The following CDON variants were observed in gnomAD, a reference collection of about 807,000 sequenced individuals.
CDON encodes cell adhesion molecule-related/down-regulated by oncogenes.
A neutral mutation model predicts 120.9 loss-of-function variants in CDON; 73 were observed. That is an observed-to-expected ratio of 0.60 (90% CI 0.50 to 0.73). CDON has a LOEUF of 0.73. Among genes scored for constraint, CDON ranks in the 30% least tolerant of loss-of-function variants. The probability of loss-of-function intolerance (pLI) is 0.00; values close to 1 mark genes in which losing one functional copy is unlikely to be tolerated. For missense variants in CDON, 1,470 were observed against 1,587.3 expected, an observed-to-expected ratio of 0.93 and a Z score of 1.26; for synonymous variants, 566 against 573.5, an observed-to-expected ratio of 0.99 and a Z score of 0.19.
intron 19 of CDON, 129 bp downstream of exon 19, chr11:125,961,595 C>A (rs1945645054): frequency 2.4e-6 from 3 of 1,274,864 alleles, no homozygotes; most frequent in South Asian, 1.4e-5. Context: ...CCCAGCACCC[C>A]ACCCAGTCTC....
chr11:126,039,241 C>T (rs550077361), intron 1 of CDON, among the ~76,000 whole-genome samples: 1 of 152,260 alleles, frequency 6.6e-6, no homozygotes, highest in South Asian at 2.1e-4. Context: ...GATAATTGTA[C>T]ATAGGTCATT....
chr11:125,979,023 A>T lies in CDON; in HGVS notation c.3277-640T>A, dbSNP rs114670360. Among the ~76,000 whole-genome samples the T allele has an allele frequency of 4.5e-3, 684 of 152,364 alleles. 8 individuals carry two copies. Among genetic ancestry groups the T allele is most frequent in the African/African-American group, 0.016 (658 of 41,594 alleles). ...TTAAGAAAAATGCCCAGATTAACAC[A>T]TACCTCATTGTAAAATGTTCACTTG... On this transcript the variant is annotated intron_variant, in intron 17 of 19. Coordinates refer to ENST00000531738, the MANE Select transcript of CDON (RefSeq NM_001378964.1).
At position 125,960,802 on chromosome 11, in the gene CDON, T is replaced by C. The variant is rs3737336; in HGVS notation, c.*140A>G. On this transcript the variant is annotated 3_prime_UTR_variant, in exon 20 of 20. Coordinates refer to ENST00000531738, the MANE Select transcript of CDON (RefSeq NM_001378964.1). ...AAAGGGCACACGTTTTAAGATACAT[T>C]CATATGACATTACTACTACAAAAAA... is the stretch of plus-strand genomic sequence containing the variant. The C allele has an allele frequency of 0.29, 231,129 of 790,096 alleles. 35,027 individuals are homozygous for C. Among genetic ancestry groups the C allele is most frequent in the South Asian group, 0.32 (20,843 of 66,000 alleles). The allele number at this position is 790,096 out of a possible 1,614,324, so 48.9% of individuals were successfully genotyped here.
chr11:126,063,047 C>T (rs935941751), upstream of CDON, among the ~76,000 whole-genome samples: 1 of 151,680 alleles, frequency 6.6e-6, no homozygotes, highest in Non-Finnish European at 1.5e-5. Flanking sequence ...GGAGTGTGCG[C>T]GCGCAGCCTG....
chr11:125,992,360 C>CTTTTTACTGGCATAAAGTATGCATACA (rs1946655170), intron 14 of CDON, among the ~76,000 whole-genome samples: 1 of 152,122 alleles, frequency 6.6e-6, no homozygotes, highest in Non-Finnish European at 1.5e-5. Flanking sequence ...TAAAAATAGG[C>CTTTTTACTGGCATAAAGTATGCATACA]TTTTTACTGG....
In CDON at chr11:126,010,347, TGA is replaced by T. The variant is rs1454628495; in HGVS notation, c.1544_1545del (p.Leu515HisfsTer6). The T allele has an allele frequency of 4.4e-6, 7 of 1,602,218 alleles. No homozygotes were observed. Among genetic ancestry groups the T allele is most frequent in the Non-Finnish European group, 5.1e-6 (6 of 1,172,498 alleles). On this transcript the variant is annotated frameshift_variant, in exon 8 of 20. Coordinates refer to ENST00000531738, the MANE Select transcript of CDON (RefSeq NM_001378964.1). LOFTEE classifies it high-confidence loss of function. ...AATAATAATGGCAACTCACCAACCA[TGA>T]GAGATGCTTCTGCCTGTGTGGTACC... ...EHGTTQAEASLMVVPFETNTK... is the reference protein window; with the variant it reads ...EHGTTQAEASXMVVPFETNTK...
intron 1 of CDON, among the ~76,000 whole-genome samples, chr11:126,033,383 T>C (rs1948001628): frequency 6.6e-6 from 1 of 151,932 alleles, no homozygotes; most frequent in East Asian, 1.9e-4. Flanking sequence ...CAGATGACAC[T>C]CTGGTGGGCA....
At position 126,023,427 on chromosome 11, in the gene CDON, G is replaced by A. The variant is rs767275943; in HGVS notation, c.50C>T (p.Thr17Ile). The part of the protein sequence containing the change: ...PLCTLLYVTL[T>I]ILCSSVSSDL... ...TGAACTCACAGAAGAGCACAGAATTGTAAGAGTAACATACAGCAGTGTACA... is the reference window on the plus strand; with the variant it reads ...TGAACTCACAGAAGAGCACAGAATTATAAGAGTAACATACAGCAGTGTACA... The change falls in exon 2 of 20, where the codon ACA (threonine) becomes ATA (isoleucine). Residue 17 changes from threonine (T) to isoleucine (I), a missense_variant. By Grantham distance (89) the Thr-to-Ile change is moderately conservative (BLOSUM62 -1). Transcript: ENST00000531738. 3.1e-6 allele frequency: 5 copies of A among 1,612,504 alleles called. No individual in the cohort carries two copies. Among genetic ancestry groups the A allele is most frequent in the South Asian group, 1.1e-5 (1 of 91,044 alleles).
chr11:126,061,777 A>C (rs911015482), intron 1 of CDON, among the ~76,000 whole-genome samples: 3 of 152,208 alleles, frequency 2.0e-5, no homozygotes, highest in Admixed American at 6.5e-5. Flanking sequence ...CTGGATTCCC[A>C]CTGGAAAGCA....
intron 12 of CDON, among the ~76,000 whole-genome samples, chr11:125,996,161 AACAC>A (rs35536827): frequency 0.067 from 9,705 of 145,898 alleles, 323 homozygotes; most frequent in African/African-American, 0.077. Flanking sequence ...GTCACAGCAA[AACAC>A]ACACACACAC....
intron 1 of CDON, among the ~76,000 whole-genome samples, chr11:126,024,119 T>C (rs547786722): frequency 7.2e-5 from 11 of 152,192 alleles, no homozygotes; most frequent in Non-Finnish European, 1.6e-4. Flanking sequence ...GGCACTATTG[T>C]GACAGTGGGA....
At chr11:126,008,768 G>A (rs775140786) in intron 8 of CDON, among the ~76,000 whole-genome samples, 1 of 152,080 alleles carries the variant, frequency 6.6e-6, no homozygotes, top group South Asian at 2.1e-4. Context: ...AAACACACAC[G>A]CACATTCATT....
rs1041892390 is a variant in CDON at position 125,970,171 on chromosome 11, T to C, written c.3356+8133A>G. Among the ~76,000 whole-genome samples the C allele has an allele frequency of 5.1e-4, 60 of 117,144 alleles. 1 individual carries two copies. The highest frequency in any genetic ancestry group is 1.7e-3 in the African/African-American group (58 of 34,490). 76.9% of individuals were successfully genotyped at this position (117,144 alleles called of 152,430 possible). A position where few individuals can be genotyped will look rare whatever the true frequency, so the allele number is the denominator to read the frequency against. Reference sequence around the variant, plus strand: ...ATAGTTACATCTTGGTGGTAGTTTATGTTTTTTTTTTTTTTTTTTTTTGAG... The same window carrying C: ...ATAGTTACATCTTGGTGGTAGTTTACGTTTTTTTTTTTTTTTTTTTTTGAG... On this transcript the variant is annotated intron_variant, in intron 18 of 19. Transcript: ENST00000531738.
chr11:125,994,309 A>G lies in CDON; in HGVS notation c.2625T>C (p.Ser875=), dbSNP rs749117402. 4 of 1,597,770 alleles carry G rather than the reference A, an allele frequency of 2.5e-6. No homozygotes were observed. The highest frequency in any genetic ancestry group is 3.4e-6 in the Non-Finnish European group (4 of 1,165,276). Residue 875 remains serine (S), a synonymous_variant, in exon 14 of 20, where the codon AGT becomes AGC. Coordinates refer to ENST00000531738, the MANE Select transcript of CDON (RefSeq NM_001378964.1). ...YYRPTDSDND[S]DYKRDVVEGS... is the part of the protein sequence containing the mutation. Reference sequence around the variant, plus strand: ...CTTCTACAACATCCCTCTTGTAATCACTGTCATTGTCACTATCTGTTGGTC... The same window carrying G: ...CTTCTACAACATCCCTCTTGTAATCGCTGTCATTGTCACTATCTGTTGGTC...
chr11:125,973,644 T>G (rs373781871), intron 18 of CDON, among the ~76,000 whole-genome samples: 1 of 152,252 alleles, frequency 6.6e-6, no homozygotes, highest in African/African-American at 2.4e-5. Context: ...CTCCAGTTAC[T>G]AGGTTTCTGC....
intron 18 of CDON, among the ~76,000 whole-genome samples, chr11:125,967,865 C>T (rs979691750): frequency 1.4e-4 from 21 of 152,094 alleles, no homozygotes; most frequent in African/African-American, 2.7e-4. Flanking sequence ...ACTACAGGCA[C>T]GTGCTACCAT....
intron 1 of CDON, among the ~76,000 whole-genome samples, chr11:126,029,516 C>T (rs992077792): frequency 2.0e-5 from 3 of 151,828 alleles, no homozygotes; most frequent in African/African-American, 2.4e-5. Context: ...ATTTCAAAAC[C>T]GTATTCTCCC....
At chr11:126,022,312 T>C (rs11220316) in intron 2 of CDON, among the ~76,000 whole-genome samples, 39,983 of 151,968 alleles carry the variant, frequency 0.26, 5,542 homozygotes, top group African/African-American at 0.35. Flanking sequence ...ACTACTTCCC[T>C]TCAGTATAAA....
At chr11:125,970,361 G>T (rs1945944431) in intron 18 of CDON, among the ~76,000 whole-genome samples, 1 of 151,914 alleles carries the variant, frequency 6.6e-6, no homozygotes, top group Non-Finnish European at 1.5e-5. Context: ...TTTTAGTAGA[G>T]ATGGGGTTTC....
Sources: gnomAD v4.1 joint callset for allele counts (sites outside exome capture counted in the v4.1 genomes callset) on GRCh38, gnomAD v4.1.1 for gene constraint, MANE v1.5 for transcripts, NCBI Gene and HGNC (gene_info 2026-07-23, HGNC 2026-07-21) for gene names.